Variants in GBE1 observed in about 807,000 individuals in gnomAD.
GBE1 encodes the protein 1,4-alpha-glucan-branching enzyme.
GBE1 carries 70 observed loss-of-function variants against 88.8 expected under a neutral mutation model. The ratio of observed to expected loss-of-function variants is 0.79; its 90% confidence interval spans 0.65 to 0.96. GBE1 has a LOEUF of 0.96. GBE1 is among the 40% of genes least tolerant of loss of function. The probability of loss-of-function intolerance (pLI) is 0.00; values close to 1 mark genes in which losing one functional copy is unlikely to be tolerated. For synonymous variants in GBE1, 284 were observed against 300.1 expected (o/e 0.95, Z 0.56); for missense variants, 872 against 871.0 (o/e 1.00, Z -0.01).
chr3:81,588,304 G>A (rs930450016), intron 9 of GBE1, among the ~76,000 whole-genome samples: 2 of 152,000 alleles, frequency 1.3e-5, no homozygotes, highest in East Asian at 1.9e-4. Flanking sequence ...TCCACAGACA[G>A]GATTGGATAA....
At chr3:81,636,766 G>A (rs894916916) in intron 7 of GBE1, among the ~76,000 whole-genome samples, 3 of 152,030 alleles carry the variant, frequency 2.0e-5, no homozygotes, top group Admixed American at 6.6e-5. Context: ...CCAATCTCAG[G>A]TGATCAGCCC....
chr3:81,732,978 T>C (rs1490620131), intron 1 of GBE1, among the ~76,000 whole-genome samples: 2 of 152,282 alleles, frequency 1.3e-5, no homozygotes, highest in East Asian at 3.9e-4. Flanking sequence ...ATTTGCTGTT[T>C]CCTGAATACT....
At chr3:81,681,677 C>A (rs1442117606) in intron 2 of GBE1, among the ~76,000 whole-genome samples, 2 of 152,104 alleles carry the variant, frequency 1.3e-5, no homozygotes, top group Non-Finnish European at 2.9e-5. Flanking sequence ...TGGTTTTCAA[C>A]CATTGAATGA....
intron 9 of GBE1, among the ~76,000 whole-genome samples, chr3:81,588,576 A>G (rs1703831317): frequency 6.8e-6 from 1 of 147,584 alleles, no homozygotes; most frequent in African/African-American, 2.4e-5. Context: ...TTGGATAAAC[A>G]TAGAATTGAA....
intron 14 of GBE1, among the ~76,000 whole-genome samples, chr3:81,521,222 A>G (rs971102079): frequency 1.3e-5 from 2 of 151,582 alleles, no homozygotes; most frequent in African/African-American, 2.4e-5. Flanking sequence ...TAGCAGGGTT[A>G]TATTTCCTAG....
At chr3:81,676,695 G>T (rs889214202) in intron 2 of GBE1, among the ~76,000 whole-genome samples, 1 of 151,780 alleles carries the variant, frequency 6.6e-6, no homozygotes, top group Non-Finnish European at 1.5e-5. Context: ...GAACGTGCAG[G>T]TTTGTTACAT....
intron 1 of GBE1, among the ~76,000 whole-genome samples, chr3:81,719,845 C>T (rs975806770): frequency 1.3e-5 from 2 of 151,982 alleles, no homozygotes; most frequent in African/African-American, 4.8e-5. Flanking sequence ...GATCAGAAAA[C>T]TGATATAAAT....
chr3:81,622,203 C>A (rs553774784), intron 7 of GBE1, among the ~76,000 whole-genome samples: 53 of 152,274 alleles, frequency 3.5e-4, no homozygotes, highest in African/African-American at 1.2e-3. Flanking sequence ...GAATTTCAGA[C>A]CAATCATTCC....
rs11456624 is a variant in GBE1, at chr3:81,541,450, GC to G, written c.1619-4356del. ...AAATAATGGTGATGGGCTGCAAGTTGCCCCCCCCGCCACCTCGCCCAAATTC... is the reference window on the plus strand; with the variant it reads ...AAATAATGGTGATGGGCTGCAAGTTGCCCCCCCGCCACCTCGCCCAAATTC... On this transcript the variant is annotated intron_variant, in intron 12 of 15. Coordinates refer to ENST00000429644, the MANE Select transcript of GBE1 (RefSeq NM_000158.4). 8.6e-4 allele frequency among the ~76,000 whole-genome samples: 125 copies of G among 144,924 alleles called. No homozygotes were observed. The East Asian group carries it at 0.023, about 26-fold the overall frequency.
At chr3:81,536,473 C>T (rs1222130958) in intron 13 of GBE1, among the ~76,000 whole-genome samples, 2 of 151,096 alleles carry the variant, frequency 1.3e-5, no homozygotes, top group Non-Finnish European at 2.9e-5. Context: ...ATTGAAATGA[C>T]AAGTTAGAGG....
intron 15 of GBE1, among the ~76,000 whole-genome samples, chr3:81,496,521 G>A (rs1193793321): frequency 1.3e-5 from 2 of 152,150 alleles, no homozygotes; most frequent in African/African-American, 2.4e-5. Context: ...GAAAAGTTGC[G>A]TTTTGTTCTT....
chr3:81,597,482 AAT>A (rs60557493), intron 7 of GBE1, among the ~76,000 whole-genome samples: 3,613 of 137,696 alleles, frequency 0.026, 110 homozygotes, highest in African/African-American at 0.074. Context: ...TATATCTCAA[AAT>A]ATATATATAT....
At chr3:81,595,311 TATA>T (rs928961263) in intron 7 of GBE1, among the ~76,000 whole-genome samples, 16 of 151,952 alleles carry the variant, frequency 1.1e-4, no homozygotes, top group African/African-American at 3.9e-4. Context: ...AACAAGGAGA[TATA>T]ATAGAACTGT....
intron 12 of GBE1, among the ~76,000 whole-genome samples, chr3:81,563,067 A>G (rs1703442171): frequency 6.6e-6 from 1 of 152,098 alleles, no homozygotes; most frequent in South Asian, 2.1e-4. Flanking sequence ...TGACAGCCAT[A>G]TAGCTCACCA....
chr3:81,628,584 T>C (rs1379822197), intron 7 of GBE1, among the ~76,000 whole-genome samples: 3 of 151,896 alleles, frequency 2.0e-5, no homozygotes, highest in Non-Finnish European at 4.4e-5. Flanking sequence ...TCTATGTAAA[T>C]GATCATGTCA....
intron 2 of GBE1, among the ~76,000 whole-genome samples, chr3:81,673,795 C>T (rs1392152506): frequency 6.6e-6 from 1 of 151,722 alleles, no homozygotes; most frequent in African/African-American, 2.4e-5. Flanking sequence ...TTTTTCTTTG[C>T]ATCTTCAAGA....
chr3:81,637,556 A>G (rs897489306), intron 7 of GBE1, among the ~76,000 whole-genome samples: 1 of 152,122 alleles, frequency 6.6e-6, no homozygotes, highest in Non-Finnish European at 1.5e-5. Context: ...ATTGTTTTCA[A>G]ATGTGGTTGT....
At chr3:81,561,173 C>G (rs1703411635) in intron 12 of GBE1, among the ~76,000 whole-genome samples, 1 of 152,098 alleles carries the variant, frequency 6.6e-6, no homozygotes, top group Admixed American at 6.6e-5. Context: ...TAAAGTGTTA[C>G]ACCTATACTA....
At chr3:81,539,354 G>C (rs536005944) in intron 12 of GBE1, among the ~76,000 whole-genome samples, 2 of 151,974 alleles carry the variant, frequency 1.3e-5, no homozygotes, top group Non-Finnish European at 2.9e-5. Flanking sequence ...GTTCAGTTTA[G>C]CCACAAAATA....
Sources: gnomAD v4.1 joint callset for allele counts (sites outside exome capture counted in the v4.1 genomes callset) on GRCh38, gnomAD v4.1.1 for gene constraint, MANE v1.5 for transcripts, NCBI Gene and HGNC (gene_info 2026-07-23, HGNC 2026-07-21) for gene names.